PARD3: variants seen among roughly 807,000 people sequenced by gnomAD.
PARD3 encodes the protein par-3 family cell polarity regulator.
PARD3 carries 75 observed loss-of-function variants against 155.4 expected under a neutral mutation model. The ratio of observed to expected loss-of-function variants is 0.48; its 90% confidence interval spans 0.40 to 0.58. The LOEUF is 0.58. Ranked by LOEUF, PARD3 falls within the 20% of genes least tolerant of loss-of-function variation. The pLI, the probability that PARD3 is intolerant of heterozygous loss-of-function variation, is 0.00. For synonymous variants in PARD3, 576 were observed against 610.5 expected (o/e 0.94, Z 0.83); for missense variants, 1,642 against 1,721.7 (o/e 0.95, Z 0.82).
At chr10:34,123,915 G>A (rs1947140121) in intron 23 of PARD3, among the ~76,000 whole-genome samples, 1 of 152,176 alleles carries the variant, frequency 6.6e-6, no homozygotes, top group Non-Finnish European at 1.5e-5. Context: ...AGGTAATACT[G>A]TAAGACTTTG....
At chr10:34,290,271 T>G (rs1159283965) in intron 20 of PARD3, among the ~76,000 whole-genome samples, 2 of 152,240 alleles carry the variant, frequency 1.3e-5, no homozygotes, top group Non-Finnish European at 2.9e-5. Context: ...AAAAATCTGC[T>G]GCCATATTTA....
chr10:34,506,906 T>G (rs1408789898), intron 3 of PARD3, among the ~76,000 whole-genome samples: 1 of 152,210 alleles, frequency 6.6e-6, no homozygotes, highest in Non-Finnish European at 1.5e-5. Context: ...AACACACAAG[T>G]TGATTCACAG....
intron 5 of PARD3, among the ~76,000 whole-genome samples, chr10:34,429,980 T>A (rs2075821518): frequency 6.6e-6 from 1 of 152,204 alleles, no homozygotes; most frequent in Non-Finnish European, 1.5e-5. Context: ...TCCTCCTGAT[T>A]TGGTCTCCCA....
chr10:34,329,580 C>A (rs1835396894), intron 19 of PARD3, among the ~76,000 whole-genome samples: 1 of 152,088 alleles, frequency 6.6e-6, no homozygotes, highest in African/African-American at 2.4e-5. Context: ...CAAGAATGGG[C>A]TGCATATATT....
chr10:34,281,232 A>G (rs1404238637), intron 21 of PARD3, among the ~76,000 whole-genome samples: 1 of 152,202 alleles, frequency 6.6e-6, no homozygotes, highest in Non-Finnish European at 1.5e-5. Context: ...GTCCCTAGGC[A>G]TGCCTGAAAC....
intron 1 of PARD3, among the ~76,000 whole-genome samples, chr10:34,787,444 C>G (rs1841111854): frequency 1.3e-5 from 2 of 152,084 alleles, no homozygotes. Flanking sequence ...AATCAGATAA[C>G]CAGATGAAGT....
intron 1 of PARD3, among the ~76,000 whole-genome samples, chr10:34,728,926 G>A (rs747718488): frequency 6.6e-6 from 1 of 152,064 alleles, no homozygotes; most frequent in East Asian, 1.9e-4. Context: ...TTGTAATACC[G>A]TATTTCTACT....
At chr10:34,423,906 T>A (rs2075450267) in intron 5 of PARD3, among the ~76,000 whole-genome samples, 1 of 152,134 alleles carries the variant, frequency 6.6e-6, no homozygotes, top group African/African-American at 2.4e-5. Context: ...AAACTTATAA[T>A]CACATGGGGA....
intron 3 of PARD3, among the ~76,000 whole-genome samples, chr10:34,476,417 G>A (rs542481564): frequency 2.0e-5 from 3 of 152,106 alleles, no homozygotes; most frequent in South Asian, 2.1e-4. Flanking sequence ...ATGTCAACTC[G>A]GTGAACAACA....
Position 34,517,068 on chromosome 10 carries a change from C to T in PARD3, c.314G>A (p.Gly105Asp), listed in dbSNP as rs749601832. Residue 105 changes from glycine to aspartate, a missense_variant, in exon 3 of 25, where the codon GGT becomes GAT. By Grantham distance (94) the Gly-to-Asp change is moderately conservative. Transcript: ENST00000374788. ...GACATTGTTGGTGCCAAGCTCACTA[C>T]CAAATATCTCTGGGCTCTGGGTACC... ...STGTQSPEIF[G>D]SELGTNNVSA... 2.5e-6 allele frequency: 4 copies of T among 1,614,190 alleles called. No homozygotes were observed. The highest frequency in any genetic ancestry group is 3.4e-6 in the Non-Finnish European group (4 of 1,180,016).
chr10:34,404,577 G>A (rs551454273), intron 5 of PARD3, among the ~76,000 whole-genome samples: 1 of 151,414 alleles, frequency 6.6e-6, no homozygotes, highest in South Asian at 2.1e-4. Flanking sequence ...AGAACTTTCA[G>A]ATATGAGACA....
chr10:34,653,120 G>A (rs757928485), intron 2 of PARD3, among the ~76,000 whole-genome samples: 11 of 152,120 alleles, frequency 7.2e-5, no homozygotes, highest in Admixed American at 1.3e-4. Flanking sequence ...GGTTTGGAGG[G>A]TCTTATATAA....
At chr10:34,230,191 A>C (rs1318674920) in intron 22 of PARD3, among the ~76,000 whole-genome samples, 1 of 152,144 alleles carries the variant, frequency 6.6e-6, no homozygotes, top group Non-Finnish European at 1.5e-5. Context: ...CAATAAATAA[A>C]TACATACCAT....
intron 22 of PARD3, among the ~76,000 whole-genome samples, chr10:34,263,514 T>C (rs528931515): frequency 2.6e-4 from 39 of 152,120 alleles, no homozygotes; most frequent in African/African-American, 8.9e-4. Flanking sequence ...AAAAAAATAG[T>C]TGGGCATCAT....
rs2133733035 is a variant in PARD3 at position 34,250,607 on chromosome 10, T to C, written c.3419+19050A>G. ...ATGTGCCAGAAACAGACATACTCAG[T>C]AATAAAAGAAAAAAAAGTAAGCCCC... On this transcript the variant is annotated intron_variant, in intron 22 of 24. Transcript: ENST00000374788. Among the ~76,000 whole-genome samples, 4 of 150,996 alleles carry C rather than the reference T, an allele frequency of 2.6e-5. No homozygotes were observed. In the Middle Eastern group the frequency reaches 0.014, roughly 521 times the overall value.
At chr10:34,225,132 C>A (rs1952520535) in intron 22 of PARD3, among the ~76,000 whole-genome samples, 1 of 152,088 alleles carries the variant, frequency 6.6e-6, no homozygotes, top group Admixed American at 6.5e-5. Flanking sequence ...GATGAATAAG[C>A]TCATATTCCA....
intron 2 of PARD3, among the ~76,000 whole-genome samples, chr10:34,571,837 G>A (rs749933057): frequency 9.9e-5 from 15 of 152,030 alleles, no homozygotes; most frequent in Non-Finnish European, 1.5e-4. Context: ...ATGTTGCACC[G>A]CTTTCACAAG....
rs903275438 is a variant in PARD3, at chr10:34,584,083, C to A, written c.223-66924G>T. 2.2e-4 allele frequency among the ~76,000 whole-genome samples: 33 copies of A among 152,114 alleles called. 1 individual carries two copies. The highest frequency in any genetic ancestry group is 1.2e-4 in the Non-Finnish European group (8 of 68,014). On this transcript the variant is annotated intron_variant, in intron 2 of 24. Coordinates refer to ENST00000374788, the MANE Select transcript of PARD3 (RefSeq NM_001184785.2). ...TGAAGATACAAGGATGCCTGGCATG[C>A]CCTACTGATTTTTCAAGCTATTGTT...
intron 2 of PARD3, among the ~76,000 whole-genome samples, chr10:34,634,718 T>A (rs2092404365): frequency 6.6e-6 from 1 of 152,216 alleles, no homozygotes; most frequent in Admixed American, 6.5e-5. Flanking sequence ...GGCTTTTTGC[T>A]GAGACCCTAA....
Sources: gnomAD v4.1 joint callset for allele counts (sites outside exome capture counted in the v4.1 genomes callset) on GRCh38, gnomAD v4.1.1 for gene constraint, MANE v1.5 for transcripts, NCBI Gene and HGNC (gene_info 2026-07-23, HGNC 2026-07-21) for gene names.